The following CROCC variants were observed in gnomAD, a reference collection of about 807,000 sequenced individuals.
CROCC encodes the protein ciliary rootlet coiled-coil, rootletin, also known as rootletin.
A neutral mutation model predicts 245.2 loss-of-function variants in CROCC; 180 were observed. That is an observed-to-expected ratio of 0.73 (90% CI 0.65 to 0.83). The LOEUF (loss-of-function observed/expected upper bound fraction) is 0.83. Ranked by LOEUF, CROCC falls within the 40% of genes least tolerant of loss-of-function variation. The pLI, the probability that CROCC is intolerant of heterozygous loss-of-function variation, is 0.00. For missense variants in CROCC, 2,688 were observed against 2,779.4 expected (o/e 0.97, Z 0.74); for synonymous variants, 1,205 against 1,241.6 (o/e 0.97, Z 0.62).
chr1:16,921,371 CT>C (rs1429870214), upstream of CROCC, among the ~76,000 whole-genome samples: 1 of 152,288 alleles, frequency 6.6e-6, no homozygotes, highest in Non-Finnish European at 1.5e-5. Flanking sequence ...TAGGTCAGAC[CT>C]AGGAATGCCG....
chr1:16,946,213 C>T (rs2076041668), intron 15 of CROCC, 46 bp from the exon 16 acceptor site: 15 of 1,595,126 alleles, frequency 9.4e-6, no homozygotes, highest in Non-Finnish European at 1.3e-5. Flanking sequence ...CTCACCTCCT[C>T]CCGACCTTTC....
Position 16,961,089 on chromosome 1 carries a change from G to A in CROCC, c.4364G>A (p.Arg1455Gln), listed in dbSNP as rs1312894534. Residue 1455 changes from arginine (R) to glutamine (Q), a missense_variant, in exon 27 of 37, where the codon CGG becomes CAG. Physicochemically the swap from Arg to Gln is conservative, Grantham distance 43. This residue lies in a region of CROCC where 1,218 missense variants were observed against 1,286.3 expected (regional missense o/e 0.95). Coordinates refer to ENST00000375541, the MANE Select transcript of CROCC (RefSeq NM_014675.5). ...GLGRAPSPAP[R>Q]PVPGSPARDA... ...GGTCGCGCGCCCAGCCCAGCCCCGC[G>A]GCCAGTGCCCGGTTCCCCTGCCCGG... 1 of 1,361,410 alleles carries A rather than the reference G, an allele frequency of 7.3e-7. No individual in the cohort carries two copies. Among genetic ancestry groups the A allele is most frequent in the South Asian group, 1.7e-5 (1 of 58,430 alleles). The allele number at this position is 1,361,410 out of a possible 1,614,324, so 84.3% of individuals were successfully genotyped here.
chr1:16,949,486 A>G (rs1356245118), intron 19 of CROCC, among the ~76,000 whole-genome samples: 1 of 152,252 alleles, frequency 6.6e-6, no homozygotes. Flanking sequence ...GATGGTTTTT[A>G]GATGGTAGCT....
intron 3 of CROCC, among the ~76,000 whole-genome samples, chr1:16,925,372 G>C (rs1362921871): frequency 6.6e-6 from 1 of 152,280 alleles, no homozygotes; most frequent in East Asian, 1.9e-4. Context: ...GAAAACAGAG[G>C]CTCAGGGAGG....
In CROCC at chr1:16,924,450, G is replaced by T. The variant is rs141994710; in HGVS notation, c.322G>T (p.Ala108Ser). The T allele has an allele frequency of 1.9e-6, 3 of 1,613,102 alleles. No homozygotes were observed. The highest frequency in any genetic ancestry group is 2.5e-6 in the Non-Finnish European group (3 of 1,179,874). ...GAGCCGTGCCGAGCGCGATGAGCTC[G>T]CCATTAAGTACAATGCGGTCAGCGA... ...AQSRAERDEL[A>S]IKYNAVSERL... The change falls in exon 3 of 37, where the codon GCC (alanine) becomes TCC (serine). Residue 108 changes from alanine to serine, a missense_variant. By Grantham distance (99) the Ala-to-Ser change is moderately conservative. Around this residue, in one of 9 missense-constraint regions of CROCC, gnomAD observed 972 missense variants for 895.3 expected, o/e 1.09. Coordinates refer to ENST00000375541, the MANE Select transcript of CROCC (RefSeq NM_014675.5).
intron 19 of CROCC, 53 bp from the exon 20 acceptor site, chr1:16,950,900 C>T (rs2076148217): frequency 6.9e-7 from 1 of 1,444,900 alleles, no homozygotes; most frequent in Non-Finnish European, 9.2e-7. Context: ...GTCTGCTGGC[C>T]CAAGGAAAAG....
rs1489138231 is a variant in CROCC, at chr1:16,969,491, G to A, written c.5301+151G>A. On this transcript the variant is annotated intron_variant, in intron 32 of 36. Coordinates refer to ENST00000375541, the MANE Select transcript of CROCC (RefSeq NM_014675.5). ...GCTTTGAAGGGAGGGCGTGGGCCCA[G>A]TAGACCATCAGCCAAGGAGAAGAGG... 7.0e-6 allele frequency: 6 copies of A among 860,190 alleles called. No individual in the cohort carries two copies. In the African/African-American group the frequency reaches 8.6e-5, roughly 12 times the overall value. 53.3% of individuals were successfully genotyped at this position (860,190 alleles called of 1,614,324 possible).
chr1:16,925,350 T>G (rs572371269), intron 3 of CROCC, among the ~76,000 whole-genome samples: 1 of 152,246 alleles, frequency 6.6e-6, no homozygotes, highest in African/African-American at 2.4e-5. Context: ...ATGATGCCCA[T>G]GTAACAGAGG....
chr1:16,918,300 C>T (rs985564174), upstream of CROCC, among the ~76,000 whole-genome samples: 33 of 123,862 alleles, frequency 2.7e-4, no homozygotes, highest in Non-Finnish European at 4.1e-4. Flanking sequence ...GGAATTCAGT[C>T]TTTTTTTTTT....
chr1:16,930,636 A>G lies in CROCC; in HGVS notation c.849+42A>G, dbSNP rs369927800. 3.4e-4 allele frequency: 538 copies of G among 1,576,598 alleles called. 3 individuals carry two copies. Among genetic ancestry groups the G allele is most frequent in the South Asian group, 1.7e-3 (149 of 86,394 alleles). The stretch of plus-strand genomic sequence containing the variant: ...AGGGAGGCCAGCCTGACCCAAGAGG[A>G]AGGGGCACTGCAGAGGAGGGAGGAC... On this transcript the variant is annotated intron_variant, in intron 7 of 36. Coordinates refer to ENST00000375541, the MANE Select transcript of CROCC (RefSeq NM_014675.5).
rs776767392 is a variant in CROCC at position 16,966,104 on chromosome 1, G to A, written c.4681G>A (p.Ala1561Thr). The A allele has an allele frequency of 1.2e-6, 2 of 1,612,478 alleles. No individual in the cohort carries two copies. Among genetic ancestry groups the A allele is most frequent in the Admixed American group, 1.7e-5 (1 of 59,932 alleles). ...GGCCAGGCAGCTGCAGAAGGCGGTG[G>A]CTGAGAGTGAGGAAGGTGAGTCTGA... is the stretch of plus-strand genomic sequence containing the variant. ...SRARQLQKAV[A>T]ESEEARRSVD... Residue 1561 changes from alanine to threonine, a missense_variant, in exon 29 of 37, where the codon GCT becomes ACT. Transcript: ENST00000375541. The surrounding 1 kb of genome is among the most constrained non-coding windows in gnomAD (Gnocchi z 4.8).
chr1:16,945,006 G>A (rs1455156889), intron 14 of CROCC, among the ~76,000 whole-genome samples: 4 of 152,290 alleles, frequency 2.6e-5, no homozygotes, highest in Non-Finnish European at 4.4e-5. Context: ...GCCAAGGCAG[G>A]CAGATCGCCT....
chr1:16,940,728 T>C (rs1317068293), intron 13 of CROCC: 1 of 244,110 alleles, frequency 4.1e-6, no homozygotes, highest in African/African-American at 2.3e-5. Flanking sequence ...TTGTTTTGTT[T>C]TGTTTTGCTT....
In CROCC at chr1:16,944,083, C is replaced by G. The variant is rs904712299; in HGVS notation, c.1809-17C>G. ...AGCCCCAGCATCCCCTCTGCTCCCC[C>G]TCCCCTTGTCCTGAAGGGAGAAGAG... On this transcript the variant is annotated splice_polypyrimidine_tract_variant and intron_variant, in intron 13 of 36. Transcript: ENST00000375541. 49 of 1,529,130 alleles carry G rather than the reference C, an allele frequency of 3.2e-5. No individual in the cohort carries two copies. The highest frequency in any genetic ancestry group is 2.5e-4 in the South Asian group (20 of 80,526). 94.7% of individuals were successfully genotyped at this position (1,529,130 alleles called of 1,614,324 possible). A position where few individuals can be genotyped will look rare whatever the true frequency, so the allele number is the denominator to read the frequency against.
chr1:16,916,865 C>T (rs2075310971), intron 1 of CROCC, among the ~76,000 whole-genome samples: 1 of 152,276 alleles, frequency 6.6e-6, no homozygotes, highest in African/African-American at 2.4e-5. Context: ...TGCCTATAAT[C>T]CCAGCACTTT....
chr1:16,950,803 G>A (rs902802768), intron 19 of CROCC, 150 bp from the exon 20 acceptor site: 1 of 595,986 alleles, frequency 1.7e-6, no homozygotes, highest in Non-Finnish European at 2.8e-6. Context: ...GGCCCAGAGA[G>A]GGCAAGCCAC....
rs749187204 is a variant in CROCC, at chr1:16,922,066, G to T, written c.48G>T (p.Glu16Asp). Reference protein sequence around the residue: ...AGAQEVELTLETVIQTLESSV... With the variant: ...AGAQEVELTLDTVIQTLESSV... ...CACAGGAGGTGGAGCTGACACTAGA[G>T]ACGGTTATCCAGGTGGGTCCTGGGG... The change falls in exon 1 of 37, where the codon GAG becomes GAT. Residue 16 changes from glutamate to aspartate, a missense_variant. By Grantham distance (45) the Glu-to-Asp change is conservative. Transcript: ENST00000375541. 26 of 1,550,186 alleles carry T rather than the reference G, an allele frequency of 1.7e-5. No individual in the cohort carries two copies. The highest frequency in any genetic ancestry group is 2.3e-5 in the Non-Finnish European group (26 of 1,146,512).
At chr1:16,914,116 G>A (rs1391895311) in intron 1 of CROCC, among the ~76,000 whole-genome samples, 41 of 151,530 alleles carry the variant, frequency 2.7e-4, no homozygotes, top group African/African-American at 8.2e-4. Flanking sequence ...GGCAGCAGCG[G>A]CTGCGGCGAA....
At chr1:16,964,090 C>T (rs1000726527) in intron 27 of CROCC, among the ~76,000 whole-genome samples, 9 of 151,736 alleles carry the variant, frequency 5.9e-5, no homozygotes, top group East Asian at 1.9e-4. Flanking sequence ...TCTGAGCCAC[C>T]GTGCCGGGCC....
Sources: allele counts gnomAD v4.1 joint callset (sites outside exome capture counted in the v4.1 genomes callset), GRCh38; gene constraint gnomAD v4.1.1; regional missense constraint gnomAD v4.1.1; non-coding constraint Gnocchi (gnomAD v3.1); transcripts MANE v1.5; gene names NCBI Gene and HGNC (gene_info 2026-07-23, HGNC 2026-07-21).